The following SESTD1 variants were observed in gnomAD, a reference collection of about 807,000 sequenced individuals.
SESTD1 encodes the protein SEC14 domain and spectrin repeat-containing protein 1.
SESTD1 carries 43 observed loss-of-function variants against 101.7 expected under a neutral mutation model. The ratio of observed to expected loss-of-function variants is 0.42; its 90% CI spans 0.33 to 0.55. SESTD1 has a LOEUF of 0.55. Ranked by LOEUF, SESTD1 falls within the 20% of genes least tolerant of loss-of-function variation. The probability of loss-of-function intolerance (pLI) is 0.07; values close to 1 mark genes in which losing one functional copy is unlikely to be tolerated. For missense variants in SESTD1, 647 were observed against 815.1 expected (o/e 0.79, Z 2.51); for synonymous variants, 283 against 286.8 (o/e 0.99, Z 0.13).
At chr2:179,218,361 C>T (rs529775281) in intron 1 of SESTD1, among the ~76,000 whole-genome samples, 6 of 151,868 alleles carry the variant, frequency 4.0e-5, no homozygotes, top group African/African-American at 1.5e-4. Flanking sequence ...TCACAACATT[C>T]GTAACAAAAA....
intron 3 of SESTD1, among the ~76,000 whole-genome samples, chr2:179,177,387 C>T (rs2046030052): frequency 6.6e-6 from 1 of 152,158 alleles, no homozygotes; most frequent in Admixed American, 6.6e-5. Flanking sequence ...CTTTGCTTAT[C>T]AGAGCAAGAT....
At chr2:179,226,112 A>G (rs940189455) in intron 1 of SESTD1, among the ~76,000 whole-genome samples, 1 of 152,218 alleles carries the variant, frequency 6.6e-6, no homozygotes, top group Non-Finnish European at 1.5e-5. Context: ...AAAAATGTAT[A>G]AGAGGGAGCT....
Position 179,109,685 on chromosome 2 carries a change from C to T in SESTD1, c.*214G>A. The T allele has an allele frequency of 1.8e-6, 1 of 559,290 alleles. No individual in the cohort carries two copies. The highest frequency in any genetic ancestry group is 3.0e-6 in the Non-Finnish European group (1 of 330,536). The allele number at this position is 559,290 out of a possible 1,614,324, so 34.6% of individuals were successfully genotyped here. On this transcript the variant is annotated 3_prime_UTR_variant, in exon 18 of 18. Transcript: ENST00000428443. Reference sequence around the variant, plus strand: ...TTCAGTGCAATGTTTATAGTTCCTTCTTTTAAGATACTTGGAATCTACAGC... The same window carrying T: ...TTCAGTGCAATGTTTATAGTTCCTTTTTTTAAGATACTTGGAATCTACAGC...
intron 1 of SESTD1, among the ~76,000 whole-genome samples, chr2:179,198,132 A>G (rs1387341857): frequency 6.6e-6 from 1 of 152,182 alleles, no homozygotes; most frequent in East Asian, 1.9e-4. Flanking sequence ...AAGCAAATGG[A>G]AAACAAAGAA....
intron 1 of SESTD1, among the ~76,000 whole-genome samples, chr2:179,223,671 C>T (rs1443778534): frequency 6.6e-6 from 1 of 151,984 alleles, no homozygotes; most frequent in Non-Finnish European, 1.5e-5. Flanking sequence ...TTCACTTTGG[C>T]AAAGACAAAT....
chr2:179,192,729 AT>A (rs1316023411), intron 1 of SESTD1, among the ~76,000 whole-genome samples: 8 of 152,210 alleles, frequency 5.3e-5, no homozygotes, highest in Non-Finnish European at 1.0e-4. Context: ...ATACCATCAA[AT>A]TTTGATTTTA....
intron 13 of SESTD1, among the ~76,000 whole-genome samples, chr2:179,120,518 A>T (rs2044726510): frequency 1.3e-5 from 2 of 152,224 alleles, no homozygotes; most frequent in Admixed American, 1.3e-4. Context: ...GTGGCCAAGA[A>T]ATCAGTGACA....
chr2:179,163,688 T>C (rs895918095), intron 5 of SESTD1, among the ~76,000 whole-genome samples: 1 of 152,016 alleles, frequency 6.6e-6, no homozygotes, highest in Non-Finnish European at 1.5e-5. Flanking sequence ...ACATAAATAT[T>C]ACTTTTCCCC....
chr2:179,223,108 T>C (rs543252296), intron 1 of SESTD1, among the ~76,000 whole-genome samples: 4 of 152,076 alleles, frequency 2.6e-5, no homozygotes, highest in African/African-American at 4.8e-5. Context: ...CATTAGGCAA[T>C]ACAAATGAAT....
intron 1 of SESTD1, among the ~76,000 whole-genome samples, chr2:179,200,136 C>G (rs1421954360): frequency 6.6e-6 from 1 of 152,080 alleles, no homozygotes; most frequent in Non-Finnish European, 1.5e-5. Context: ...CAACAACAGA[C>G]AGAGAGCCAA....
intron 9 of SESTD1, among the ~76,000 whole-genome samples, chr2:179,142,620 T>C (rs2045304711): frequency 6.6e-6 from 1 of 152,226 alleles, no homozygotes; most frequent in South Asian, 2.1e-4. Context: ...TACGCTGCTA[T>C]GATTTACCAT....
intron 7 of SESTD1, among the ~76,000 whole-genome samples, chr2:179,147,630 G>A (rs1339707959): frequency 2.6e-5 from 4 of 152,154 alleles, no homozygotes; most frequent in Non-Finnish European, 4.4e-5. Flanking sequence ...AAAGTGCTGG[G>A]ATTACAGGCA....
At chr2:179,165,210 G>C (rs1310699916) in intron 5 of SESTD1, among the ~76,000 whole-genome samples, 1 of 152,122 alleles carries the variant, frequency 6.6e-6, no homozygotes, top group African/African-American at 2.4e-5. Context: ...AAATATCCTA[G>C]CTGAATCTCT....
At chr2:179,153,926 C>T (rs1343523371) in intron 5 of SESTD1, among the ~76,000 whole-genome samples, 3 of 151,916 alleles carry the variant, frequency 2.0e-5, no homozygotes, top group African/African-American at 7.3e-5. Flanking sequence ...CACCATTGGA[C>T]TAAGCTAGAG....
At chr2:179,130,956 A>G (rs2044998461) in intron 10 of SESTD1, among the ~76,000 whole-genome samples, 1 of 152,128 alleles carries the variant, frequency 6.6e-6, no homozygotes, top group Non-Finnish European at 1.5e-5. Context: ...TTTAGTATAA[A>G]AGGAAGAACC....
intron 4 of SESTD1, among the ~76,000 whole-genome samples, chr2:179,173,262 T>G (rs566270169): frequency 2.4e-4 from 36 of 152,280 alleles, no homozygotes; most frequent in African/African-American, 8.7e-4. Flanking sequence ...CTACCTAAAG[T>G]GGCATCATCT....
intron 2 of SESTD1, among the ~76,000 whole-genome samples, chr2:179,189,824 T>C (rs1052841474): frequency 1.3e-5 from 2 of 152,022 alleles, no homozygotes; most frequent in Non-Finnish European, 2.9e-5. Flanking sequence ...CCATTTATAA[T>C]GGCCATAAAA....
chr2:179,232,227 C>T (rs1425644752), intron 1 of SESTD1, among the ~76,000 whole-genome samples: 3 of 138,950 alleles, frequency 2.2e-5, no homozygotes, highest in African/African-American at 9.1e-5. Context: ...GGCATTCTAC[C>T]TCAAAATTAT....
At chr2:179,198,088 A>C (rs2046433921) in intron 1 of SESTD1, among the ~76,000 whole-genome samples, 1 of 152,214 alleles carries the variant, frequency 6.6e-6, no homozygotes. Context: ...AGACACACAT[A>C]GGCTCAAAAT....
Sources: allele counts gnomAD v4.1 joint callset (sites outside exome capture counted in the v4.1 genomes callset), GRCh38; gene constraint gnomAD v4.1.1; transcripts MANE v1.5; gene names NCBI Gene and HGNC (gene_info 2026-07-23, HGNC 2026-07-21).